The following MUC12 variants were observed in gnomAD, a reference collection of about 807,000 sequenced individuals.
MUC12 encodes the protein mucin 12, cell surface associated.
In MUC12, 172 loss-of-function variants were observed where a neutral mutation model predicts 230.8. The ratio of observed to expected loss-of-function variants is 0.75; its 90% confidence interval spans 0.66 to 0.85. The LOEUF is 0.85. MUC12 is among the 40% of genes least tolerant of loss of function. MUC12 has a pLI of 0.00. For missense variants in MUC12, 3,506 were observed against 5,920.6 expected, an observed-to-expected ratio of 0.59 and a Z score of 13.38; for synonymous variants, 1,259 against 2,401.9, an observed-to-expected ratio of 0.52 and a Z score of 13.91.
chr7:101,012,961 GC>G lies in MUC12; in HGVS notation c.15476-16del, dbSNP rs1793859873. On this transcript the variant is annotated intron_variant, in intron 7 of 11. Transcript: ENST00000536621. ...TGCTTTGGCCAGGCTCATGCATGCT[GC>G]CCGCCCCTCTCCCTCAGAGCAATGC... The G allele has an allele frequency of 6.5e-7, 1 of 1,537,220 alleles. No homozygotes were observed. The highest frequency in any genetic ancestry group is 8.7e-7 in the Non-Finnish European group (1 of 1,146,906).
chr7:101,012,762 C>T (rs1358327647), intron 6 of MUC12, 57 bp from the exon 7 acceptor site: 3 of 1,517,196 alleles, frequency 2.0e-6, no homozygotes, highest in East Asian at 2.5e-5. Context: ...TGGCTACCCC[C>T]AGGGAGGCAG....
intron 1 of MUC12, among the ~76,000 whole-genome samples, chr7:100,988,902 C>T (rs745902927): frequency 2.5e-4 from 38 of 152,086 alleles, no homozygotes; most frequent in Non-Finnish European, 3.7e-4. Flanking sequence ...GTAAGTCTCA[C>T]GAGATCTGAT....
intron 10 of MUC12, among the ~76,000 whole-genome samples, chr7:101,016,263 T>C (rs1584849216): frequency 1.3e-5 from 2 of 151,896 alleles, no homozygotes; most frequent in South Asian, 2.1e-4. Flanking sequence ...GGACGTGAGG[T>C]TGGCAGGGCT....
At chr7:100,978,934 C>G (rs1215148935) in intron 1 of MUC12, among the ~76,000 whole-genome samples, 1 of 152,186 alleles carries the variant, frequency 6.6e-6, no homozygotes, top group Non-Finnish European at 1.5e-5. Flanking sequence ...CTCAGCCTCT[C>G]AAGTAGCTGG....
At position 100,976,528 on chromosome 7, in the gene MUC12, C is replaced by G. The variant is rs1299708837; in HGVS notation, c.67+6839C>G. Among the ~76,000 whole-genome samples the G allele has an allele frequency of 4.6e-5, 7 of 151,634 alleles. 1 individual carries two copies. In the South Asian group the frequency reaches 1.3e-3, roughly 27 times the overall value. The stretch of plus-strand genomic sequence containing the variant: ...CTGAGGCAGAAGAATGGCGTGAACC[C>G]AGGAAGTGGAGATTGCAGTGAGCTG... On this transcript the variant is annotated intron_variant, in intron 1 of 11. Coordinates refer to ENST00000536621, the MANE Select transcript of MUC12 (RefSeq NM_001164462.2).
At chr7:101,015,713 G>C in intron 10 of MUC12, 22 bp downstream of exon 10, 1 of 1,531,094 alleles carries the variant, frequency 6.5e-7, no homozygotes, top group Non-Finnish European at 8.8e-7. Context: ...TAAGGGCAAG[G>C]AGATGAGCAG....
At chr7:100,969,784 TCCC>T (rs1440103025) in intron 1 of MUC12, 95 bp downstream of exon 1, 1 of 1,438,686 alleles carries the variant, frequency 7.0e-7, no homozygotes. Flanking sequence ...GGTGGCCTCC[TCCC>T]CTTTGCATGG....
At chr7:101,009,598 C>G (rs1793810611) in intron 5 of MUC12, among the ~76,000 whole-genome samples, 1 of 151,904 alleles carries the variant, frequency 6.6e-6, no homozygotes, top group South Asian at 2.1e-4. Context: ...TTTGGGAGGC[C>G]AATGGGGGAG....
In MUC12 at chr7:100,995,608, G is replaced by T; in HGVS notation, c.5045G>T (p.Arg1682Leu). The change falls in exon 2 of 12, where the codon CGT becomes CTT. Residue 1682 changes from arginine (R) to leucine (L), a missense_variant. Coordinates refer to ENST00000536621, the MANE Select transcript of MUC12 (RefSeq NM_001164462.2). Reference protein sequence around the residue: ...TTLSPAGSTTRQGESTTFQSW... With the variant: ...TTLSPAGSTTLQGESTTFQSW... Reference sequence around the variant, plus strand: ...CTGTCCCCTGCCGGCTCTACAACACGTCAGGGAGAATCTACCACCTTCCAG... The same window carrying T: ...CTGTCCCCTGCCGGCTCTACAACACTTCAGGGAGAATCTACCACCTTCCAG... The T allele has an allele frequency of 2.0e-6, 3 of 1,536,658 alleles. No individual in the cohort carries two copies. Among genetic ancestry groups the T allele is most frequent in the Non-Finnish European group, 2.6e-6 (3 of 1,146,998 alleles).
At position 101,003,414 on chromosome 7, in the gene MUC12, C is replaced by G; in HGVS notation, c.12851C>G (p.Thr4284Arg). Residue 4284 changes from threonine to arginine, a missense_variant, in exon 2 of 12, where the codon ACA becomes AGA. Coordinates refer to ENST00000536621, the MANE Select transcript of MUC12 (RefSeq NM_001164462.2). ...CACAGCAGCCCAGGCTCCACTGAAA[C>G]AACACTCTTACCTGACAACACCACA... ...TFHSSPGSTE[T>R]TLLPDNTTAS... The G allele has an allele frequency of 6.6e-7, 1 of 1,519,022 alleles. No individual in the cohort carries two copies. Among genetic ancestry groups the G allele is most frequent in the Non-Finnish European group, 8.8e-7 (1 of 1,140,492 alleles). The allele number at this position is 1,519,022 out of a possible 1,614,324, so 94.1% of individuals were successfully genotyped here.
rs535402716 is a variant in MUC12 at position 101,015,697 on chromosome 7, T to C, written c.15877+6T>C. The C allele has an allele frequency of 2.5e-4, 384 of 1,536,960 alleles. 3 individuals carry two copies. The South Asian group carries it at 4.3e-3, about 17-fold the overall frequency. On this transcript the variant is annotated splice_donor_region_variant and intron_variant, in intron 10 of 11. Coordinates refer to ENST00000536621, the MANE Select transcript of MUC12 (RefSeq NM_001164462.2). ...GAAGACGGCCATCTGGGAAGGTACC[T>C]CTAGTTAAGGGCAAGGAGATGAGCA...
At position 100,990,840 on chromosome 7, in the gene MUC12, A is replaced by G. The variant is rs1793274040; in HGVS notation, c.277A>G (p.Thr93Ala). Residue 93 changes from threonine (T) to alanine (A), a missense_variant, in exon 2 of 12, where the codon ACA becomes GCA. Thr to Ala is a moderately conservative substitution (Grantham distance 58). Coordinates refer to ENST00000536621, the MANE Select transcript of MUC12 (RefSeq NM_001164462.2). The stretch of plus-strand genomic sequence containing the variant: ...CCACAGCGGCCCAGGTGCAACTGGA[A>G]CAACACTCTTCCCTTCCCACTCTGC... ...VSHSGPGATG[T>A]TLFPSHSATS... The G allele has an allele frequency of 1.3e-6, 2 of 1,537,834 alleles. No individual in the cohort carries two copies. Among genetic ancestry groups the G allele is most frequent in the Middle Eastern group, 1.7e-4 (1 of 5,996 alleles).
intron 1 of MUC12, among the ~76,000 whole-genome samples, chr7:100,983,931 C>A (rs1306965854): frequency 6.6e-6 from 1 of 152,170 alleles, no homozygotes; most frequent in East Asian, 1.9e-4. Flanking sequence ...GTATCACCTC[C>A]TCCTGGAAGC....
intron 1 of MUC12, among the ~76,000 whole-genome samples, chr7:100,975,006 T>C (rs1427529903): frequency 6.6e-6 from 1 of 152,290 alleles, no homozygotes; most frequent in Admixed American, 6.5e-5. Context: ...GAGCCTCTCT[T>C]TGGTGGAAGA....
intron 1 of MUC12, among the ~76,000 whole-genome samples, chr7:100,972,669 A>AT (rs1234374474): frequency 2.6e-5 from 4 of 151,946 alleles, no homozygotes; most frequent in African/African-American, 9.7e-5. Context: ...TGCTCAGCTA[A>AT]TTTTTTTGTG....
chr7:101,012,776 G>A (rs776110081), intron 6 of MUC12, 43 bp from the exon 7 acceptor site: 40 of 1,529,476 alleles, frequency 2.6e-5, no homozygotes, highest in Non-Finnish European at 3.3e-5. Flanking sequence ...GAGGCAGAGG[G>A]AAGTGTTTCT....
intron 1 of MUC12, among the ~76,000 whole-genome samples, chr7:100,969,904 G>A (rs1355296799): frequency 6.6e-6 from 1 of 152,306 alleles, no homozygotes; most frequent in African/African-American, 2.4e-5. Context: ...TTGTGCAGGG[G>A]ATGGTCTGCA....
chr7:100,994,108 A>C lies in MUC12; in HGVS notation c.3545A>C (p.His1182Pro), dbSNP rs201218466. The C allele has an allele frequency of 2.8e-4, 287 of 1,027,354 alleles. 97 individuals carry two copies. The South Asian group carries it at 3.0e-3, about 11-fold the overall frequency. The allele number at this position is 1,027,354 out of a possible 1,614,324, so 63.6% of individuals were successfully genotyped here. A position where few individuals can be genotyped will look rare whatever the true frequency, so the allele number is the denominator to read the frequency against. ...VFPHSTTTSV[H>P]GEEPTTFHSR... ...CCTCACAGCACCACAACCTCAGTTC[A>C]TGGTGAAGAGCCTACAACCTTCCAC... The change falls in exon 2 of 12, where the codon CAT (histidine) becomes CCT (proline). Residue 1182 changes from histidine (H) to proline (P), a missense_variant. His to Pro is a moderately conservative substitution (Grantham distance 77). Transcript: ENST00000536621.
intron 2 of MUC12, 55 bp from the exon 3 acceptor site, chr7:101,006,416 T>C: frequency 8.1e-7 from 1 of 1,234,402 alleles, no homozygotes; most frequent in East Asian, 2.5e-5. Context: ...TGGGAGTGCG[T>C]GTTTTTGCTC....
Sources: allele counts gnomAD v4.1 joint callset (sites outside exome capture counted in the v4.1 genomes callset), GRCh38; gene constraint gnomAD v4.1.1; transcripts MANE v1.5; gene names NCBI Gene and HGNC (gene_info 2026-07-23, HGNC 2026-07-21).